BCL2L15: variants seen among roughly 807,000 people sequenced by gnomAD.
BCL2L15 encodes bcl-2-like protein 15.
A neutral mutation model predicts 18.3 loss-of-function variants in BCL2L15; 15 were observed. The observed-to-expected ratio is 0.82, with a 90% CI of 0.55 to 1.26. The LOEUF (loss-of-function observed/expected upper bound fraction) is 1.26. Among genes scored for constraint, BCL2L15 ranks in the 50% most tolerant of loss-of-function variants. The pLI is 0.00. For missense variants in BCL2L15, 180 were observed against 201.7 expected, an observed-to-expected ratio of 0.89 and a Z score of 0.65; for synonymous variants, 58 against 68.5, an observed-to-expected ratio of 0.85 and a Z score of 0.76.
intron 3 of BCL2L15, 75 bp from the exon 4 acceptor site, chr1:113,881,215 T>C: frequency 3.7e-6 from 6 of 1,604,222 alleles, no homozygotes; most frequent in Non-Finnish European, 5.1e-6. Context: ...GGAAATGATC[T>C]GCAGATAGCT....
At chr1:113,884,307 A>T (rs1039752347) in intron 2 of BCL2L15, among the ~76,000 whole-genome samples, 1 of 152,238 alleles carries the variant, frequency 6.6e-6, no homozygotes, top group African/African-American at 2.4e-5. Context: ...TCAAGAAGAA[A>T]CATCAAGCAA....
chr1:113,885,265 A>T (rs1487040230), intron 2 of BCL2L15, among the ~76,000 whole-genome samples: 1 of 151,974 alleles, frequency 6.6e-6, no homozygotes, highest in East Asian at 1.9e-4. Context: ...CAAAAAAAAA[A>T]ATATGTTTAA....
chr1:113,881,839 G>A lies in BCL2L15; in HGVS notation c.408C>T (p.Ile136=), dbSNP rs777487442. Residue 136 remains isoleucine (I), a synonymous_variant, in exon 3 of 4, where the codon ATC becomes ATT. Transcript: ENST00000393316. ...IAPEVVGQVA[I]PMTGMINGNQ... ...TCCCATTGATCATACCCGTCATGGG[G>A]ATAGCCACCTGTCCCACTACTTCAG... is the stretch of plus-strand genomic sequence containing the variant. 1 of 1,614,180 alleles carries A rather than the reference G, an allele frequency of 6.2e-7. No homozygotes were observed. Among genetic ancestry groups the A allele is most frequent in the Non-Finnish European group, 8.5e-7 (1 of 1,180,028 alleles).
Position 113,880,355 on chromosome 1 carries a change from G to T in BCL2L15, c.*768C>A, listed in dbSNP as rs555643767. ...AATAACAAGATTTTAGGCCGGGCGT[G>T]GTGGCTCACGCCTGTAATCCCAGCA... On this transcript the variant is annotated 3_prime_UTR_variant, in exon 4 of 4. Coordinates refer to ENST00000393316, the MANE Select transcript of BCL2L15 (RefSeq NM_001010922.3). 2 of 152,288 alleles carry T rather than the reference G, an allele frequency of 1.3e-5. No homozygotes were observed. Among genetic ancestry groups the T allele is most frequent in the East Asian group, 1.9e-4 (1 of 5,178 alleles). The allele number at this position is 152,288 out of a possible 1,614,324, so 9.4% of individuals were successfully genotyped here.
Position 113,880,874 on chromosome 1 carries a change from A to G in BCL2L15, c.*249T>C. ...GAACCTCATTAAAACTCATGTGAAAACAGAAAGTAGAAAATCTCTGTGGTT... is the reference window on the plus strand; with the variant it reads ...GAACCTCATTAAAACTCATGTGAAAGCAGAAAGTAGAAAATCTCTGTGGTT... On this transcript the variant is annotated 3_prime_UTR_variant, in exon 4 of 4. Coordinates refer to ENST00000393316, the MANE Select transcript of BCL2L15 (RefSeq NM_001010922.3). 1 of 550,728 alleles carries G rather than the reference A, an allele frequency of 1.8e-6. No homozygotes were observed. Among genetic ancestry groups the G allele is most frequent in the South Asian group, 2.3e-5 (1 of 44,280 alleles). The allele number at this position is 550,728 out of a possible 1,614,324, so 34.1% of individuals were successfully genotyped here. A position where few individuals can be genotyped will look rare whatever the true frequency, so the allele number is the denominator to read the frequency against.
In BCL2L15 at chr1:113,879,876, G is replaced by T. The variant is rs184227078; in HGVS notation, c.*1247C>A. 6.6e-6 allele frequency: 1 copy of T among 152,344 alleles called. No homozygotes were observed. The highest frequency in any genetic ancestry group is 1.9e-4 in the East Asian group (1 of 5,192). The allele number at this position is 152,344 out of a possible 1,614,324, so 9.4% of individuals were successfully genotyped here. On this transcript the variant is annotated 3_prime_UTR_variant, in exon 4 of 4. Coordinates refer to ENST00000393316, the MANE Select transcript of BCL2L15 (RefSeq NM_001010922.3). ...CAAAATAAGACAGCAAGCCAGATTT[G>T]ACGCGTGGGTTGTAATTTATCAATC...
chr1:113,883,560 G>A (rs918875846), intron 2 of BCL2L15, among the ~76,000 whole-genome samples: 3 of 150,864 alleles, frequency 2.0e-5, no homozygotes, highest in African/African-American at 7.3e-5. Flanking sequence ...GATTGCCTGA[G>A]CTCAGGAGTT....
chr1:113,887,364 G>A lies in BCL2L15; in HGVS notation c.12C>T (p.Ser4=), dbSNP rs78095589. 1,218 of 1,614,026 alleles carry A rather than the reference G, an allele frequency of 7.5e-4. 14 individuals are homozygous for A. The African/African-American group carries it at 0.015, about 19-fold the overall frequency. Residue 4 remains serine, a synonymous_variant, in exon 1 of 4, where the codon TCC becomes TCT. Coordinates refer to ENST00000393316, the MANE Select transcript of BCL2L15 (RefSeq NM_001010922.3). MKS[S]QTFEEQTECI... ...ATTCCGTTTGTTCCTCAAAAGTTTG[G>A]GAGCTCTTCATTTTAGATGTTTGCT...
rs1467402499 is a variant in BCL2L15, at chr1:113,880,911, GACAAA to G, written c.*207_*211del. On this transcript the variant is annotated 3_prime_UTR_variant, in exon 4 of 4. Transcript: ENST00000393316. ...AAATCTCTGTGGTTTGCATTAAGTT[GACAAA>G]ACAAAACAAAACAAAAACCAACTCT... 18 of 590,070 alleles carry G rather than the reference GACAAA, an allele frequency of 3.1e-5. No homozygotes were observed. Among genetic ancestry groups the G allele is most frequent in the Admixed American group, 3.1e-5 (1 of 32,184 alleles). 36.6% of individuals were successfully genotyped at this position (590,070 alleles called of 1,614,324 possible). A position where few individuals can be genotyped will look rare whatever the true frequency, so the allele number is the denominator to read the frequency against.
chr1:113,881,328 A>T, intron 3 of BCL2L15, 188 bp from the exon 4 acceptor site: 1 of 1,053,088 alleles, frequency 9.5e-7, no homozygotes, highest in Non-Finnish European at 1.4e-6. Flanking sequence ...ATGGGCTTAG[A>T]ATACCTTATA....
intron 2 of BCL2L15, among the ~76,000 whole-genome samples, chr1:113,882,656 A>G (rs1379397427): frequency 6.6e-6 from 1 of 152,084 alleles, no homozygotes; most frequent in Non-Finnish European, 1.5e-5. Flanking sequence ...AATAAAAAAA[A>G]GACCGAATGC....
rs75876916 is a variant in BCL2L15 at position 113,879,349 on chromosome 1, G to A, written c.*1774C>T. ...TCTTGATATTTAGGAAAGTAGTCTG[G>A]TTTTTGGAGTCTCTACCTGATGACT... On this transcript the variant is annotated 3_prime_UTR_variant, in exon 4 of 4. Coordinates refer to ENST00000393316, the MANE Select transcript of BCL2L15 (RefSeq NM_001010922.3). The A allele has an allele frequency of 5.3e-5, 8 of 152,334 alleles. No homozygotes were observed. In the East Asian group the frequency reaches 1.5e-3, roughly 29 times the overall value. 9.4% of individuals were successfully genotyped at this position (152,334 alleles called of 1,614,324 possible).
rs1353723777 is a variant in BCL2L15 at position 113,878,370 on chromosome 1, T to G, written c.*2753A>C. ...TTTTTAATTCCTGGGTTACAATGTC[T>G]TCTTCCTGCAGCCCAATCACTTAAG... On this transcript the variant is annotated 3_prime_UTR_variant, in exon 4 of 4. Transcript: ENST00000393316. 1 of 152,382 alleles carries G rather than the reference T, an allele frequency of 6.6e-6. No individual in the cohort carries two copies. The highest frequency in any genetic ancestry group is 1.5e-5 in the Non-Finnish European group (1 of 68,040). The allele number at this position is 152,382 out of a possible 1,614,324, so 9.4% of individuals were successfully genotyped here. A position where few individuals can be genotyped will look rare whatever the true frequency, so the allele number is the denominator to read the frequency against.
At chr1:113,887,080 T>C (rs1219300869) in intron 1 of BCL2L15, among the ~76,000 whole-genome samples, 169 bp downstream of exon 1, 2 of 152,022 alleles carry the variant, frequency 1.3e-5, no homozygotes, top group African/African-American at 4.8e-5. Context: ...CTACTTTTAG[T>C]AGAGATGGGG....
chr1:113,882,537 C>CAGG (rs901629075), intron 2 of BCL2L15, among the ~76,000 whole-genome samples: 68 of 152,112 alleles, frequency 4.5e-4, no homozygotes, highest in African/African-American at 1.6e-3. Flanking sequence ...CCCAGCTACT[C>CAGG]AGGAGGCTGA....
chr1:113,882,024 C>T, intron 2 of BCL2L15, 27 bp from the exon 3 acceptor site: 1 of 1,591,590 alleles, frequency 6.3e-7, no homozygotes, highest in Non-Finnish European at 8.6e-7. Flanking sequence ...GAAACATCAA[C>T]AGAGTATCAC....
intron 2 of BCL2L15, among the ~76,000 whole-genome samples, chr1:113,885,013 G>A (rs1055795120): frequency 1.3e-5 from 2 of 151,600 alleles, no homozygotes; most frequent in Admixed American, 1.3e-4. Context: ...GTGCAGTGGC[G>A]AGATCTCAGT....
chr1:113,886,558 A>G lies in BCL2L15; in HGVS notation c.228T>C (p.Ile76=), dbSNP rs1667042400. ...TGACCTGTCCCTTAATGGTTTCTGC[A>G]ATGACGTTTTTGGCAGAAGCTTCCA... The part of the protein sequence containing the change: ...GELEASAKNV[I]AETIKGQTGA... Residue 76 remains isoleucine, a synonymous_variant, in exon 2 of 4, where the codon ATT becomes ATC. Transcript: ENST00000393316. 2.5e-6 allele frequency: 4 copies of G among 1,613,606 alleles called. No homozygotes were observed. The highest frequency in any genetic ancestry group is 3.4e-6 in the Non-Finnish European group (4 of 1,179,884).
In BCL2L15 at chr1:113,880,463, A is replaced by G. The variant is rs1666843372; in HGVS notation, c.*660T>C. The G allele has an allele frequency of 6.6e-6, 1 of 152,262 alleles. No homozygotes were observed. The highest frequency in any genetic ancestry group is 2.4e-5 in the African/African-American group (1 of 41,404). The allele number at this position is 152,262 out of a possible 1,614,324, so 9.4% of individuals were successfully genotyped here. On this transcript the variant is annotated 3_prime_UTR_variant, in exon 4 of 4. Coordinates refer to ENST00000393316, the MANE Select transcript of BCL2L15 (RefSeq NM_001010922.3). ...AACACGGCGAAACCTCATCTCTACT[A>G]AAAATACAAAAAATTAGCCGGGCGT...
Sources: gnomAD v4.1 joint callset for allele counts (sites outside exome capture counted in the v4.1 genomes callset) on GRCh38, gnomAD v4.1.1 for gene constraint, MANE v1.5 for transcripts, NCBI Gene and HGNC (gene_info 2026-07-23, HGNC 2026-07-21) for gene names.